The following CORO2B variants were observed in gnomAD, a reference collection of about 807,000 sequenced individuals.
The protein encoded by CORO2B is coronin 2B.
Under a neutral mutation model 58.8 loss-of-function variants are expected in CORO2B, and 26 were observed. The observed-to-expected ratio is 0.44, with a 90% CI of 0.32 to 0.61. CORO2B has a LOEUF of 0.61. Ranked by LOEUF, CORO2B falls within the 20% of genes least tolerant of loss-of-function variation. The probability of loss-of-function intolerance (pLI) is 0.04; values close to 1 mark genes in which losing one functional copy is unlikely to be tolerated. For missense variants in CORO2B, 460 were observed against 645.1 expected (o/e 0.71, Z 3.11); for synonymous variants, 242 against 253.8 (o/e 0.95, Z 0.44).
chr15:68,663,391 A>G (rs1156754486), intron 2 of CORO2B, among the ~76,000 whole-genome samples: 2 of 152,232 alleles, frequency 1.3e-5, no homozygotes, highest in African/African-American at 4.8e-5. Context: ...TTTCATGTGC[A>G]TGCAGGTACG....
chr15:68,671,158 G>C (rs983672286), intron 2 of CORO2B, among the ~76,000 whole-genome samples: 1 of 152,164 alleles, frequency 6.6e-6, no homozygotes, highest in African/African-American at 2.4e-5. Context: ...CACAGGAAAA[G>C]GAACCACAAC....
In CORO2B at chr15:68,620,788, T is replaced by C. The variant is rs532774793; in HGVS notation, c.16-24372T>C. Among the ~76,000 whole-genome samples the C allele has an allele frequency of 7.2e-4, 110 of 152,310 alleles. 1 individual carries two copies. In the South Asian group the frequency reaches 0.014, roughly 19 times the overall value. On this transcript the variant is annotated intron_variant, in intron 1 of 11. Transcript: ENST00000261861. ...TCACTCAGCCACTCACTCAGCCAGC[T>C]GAGGCAGGACCAGGGCTAGAAGGTT...
At chr15:68,549,431 T>C in the CORO2B span, among the ~76,000 whole-genome samples, 1 of 152,180 alleles carries the variant, frequency 6.6e-6, no homozygotes, top group Admixed American at 6.5e-5. Flanking sequence ...TGGTTGTTTT[T>C]ATGTGTCTGT....
chr15:68,553,849 G>A, the CORO2B span, among the ~76,000 whole-genome samples: 1 of 152,248 alleles, frequency 6.6e-6, no homozygotes, highest in African/African-American at 2.4e-5. Context: ...AGACCGTGCA[G>A]GGCCTTACAA....
intron 2 of CORO2B, among the ~76,000 whole-genome samples, chr15:68,649,239 C>CT (rs1414556545): frequency 6.6e-6 from 1 of 151,952 alleles, no homozygotes. Flanking sequence ...TGATATATAT[C>CT]TTTTTTCAAC....
chr15:68,607,120 G>T (rs1900143444), intron 1 of CORO2B, among the ~76,000 whole-genome samples: 1 of 152,200 alleles, frequency 6.6e-6, no homozygotes, highest in Non-Finnish European at 1.5e-5. Flanking sequence ...GATTTTGTGG[G>T]CCAGGCACAG....
intron 1 of CORO2B, among the ~76,000 whole-genome samples, chr15:68,624,909 C>G (rs888775829): frequency 6.6e-6 from 1 of 152,160 alleles, no homozygotes; most frequent in East Asian, 1.9e-4. Context: ...TCTCGAACTC[C>G]TGACCTCATG....
the CORO2B span, among the ~76,000 whole-genome samples, chr15:68,539,996 T>G: frequency 6.6e-6 from 1 of 152,214 alleles, no homozygotes; most frequent in Non-Finnish European, 1.5e-5. Context: ...ATTTTAACAG[T>G]TTTTGAAGAT....
chr15:68,691,201 C>T (rs1892355543), intron 2 of CORO2B, among the ~76,000 whole-genome samples: 2 of 150,536 alleles, frequency 1.3e-5, no homozygotes, highest in South Asian at 2.1e-4. Context: ...AGGTGGCGGG[C>T]GCCTGTGGTC....
At chr15:68,684,899 T>C (rs1242732729) in intron 2 of CORO2B, among the ~76,000 whole-genome samples, 1 of 152,106 alleles carries the variant, frequency 6.6e-6, no homozygotes, top group Non-Finnish European at 1.5e-5. Context: ...TTATAATGAC[T>C]CTCTCTCTTT....
At chr15:68,655,905 AG>A (rs980515901) in intron 2 of CORO2B, among the ~76,000 whole-genome samples, 33 of 152,138 alleles carry the variant, frequency 2.2e-4, no homozygotes, top group African/African-American at 7.7e-4. Context: ...AAAATGATTT[AG>A]GGTGCAGGAG....
chr15:68,559,207 A>G, the CORO2B span, among the ~76,000 whole-genome samples: 2 of 152,072 alleles, frequency 1.3e-5, no homozygotes, highest in African/African-American at 4.8e-5. The surrounding 1 kb of genome is among the most constrained non-coding windows in gnomAD (Gnocchi z 4.3). Context: ...GCATTTCATT[A>G]AAAATCTGAT....
chr15:68,634,644 G>A (rs1900969459), intron 1 of CORO2B, among the ~76,000 whole-genome samples: 1 of 152,182 alleles, frequency 6.6e-6, no homozygotes, highest in African/African-American at 2.4e-5. Context: ...ACGTGTTAGG[G>A]ATGCAGATTC....
the CORO2B span, among the ~76,000 whole-genome samples, chr15:68,519,404 T>C: frequency 6.6e-6 from 1 of 152,336 alleles, no homozygotes; most frequent in East Asian, 1.9e-4. Context: ...TTATCATAGG[T>C]AATTCTATAC....
chr15:68,719,574 C>T (rs767319471), intron 11 of CORO2B, 22 bp downstream of exon 11: 3 of 1,604,696 alleles, frequency 1.9e-6, no homozygotes, highest in African/African-American at 2.7e-5. Context: ...AAGTTATTAC[C>T]TCCACAGGCC....
the CORO2B span, among the ~76,000 whole-genome samples, chr15:68,549,739 G>A: frequency 6.6e-6 from 1 of 152,150 alleles, no homozygotes; most frequent in Non-Finnish European, 1.5e-5. Flanking sequence ...AGGAGTTCGA[G>A]AGCAGCCTGG....
At chr15:68,695,113 C>T (rs1390891028) in intron 2 of CORO2B, 27 bp from the exon 3 acceptor site, 1 of 792,722 alleles carries the variant, frequency 1.3e-6, no homozygotes, top group Non-Finnish European at 1.8e-6. Flanking sequence ...TAATCTCCTT[C>T]TCTCTCTCTC....
At chr15:68,552,568 G>A in the CORO2B span, among the ~76,000 whole-genome samples, 124 of 152,214 alleles carry the variant, frequency 8.1e-4, 1 homozygote, top group Admixed American at 2.7e-3. Flanking sequence ...CAGAGTGTGT[G>A]CCTACGAGTC....
the CORO2B span, among the ~76,000 whole-genome samples, chr15:68,558,776 G>A: frequency 6.6e-6 from 1 of 152,168 alleles, no homozygotes; most frequent in African/African-American, 2.4e-5. Flanking sequence ...GAGGCTGCAG[G>A]AGAGGTGCAA....
Sources: allele counts gnomAD v4.1 joint callset (sites outside exome capture counted in the v4.1 genomes callset), GRCh38; gene constraint gnomAD v4.1.1; non-coding constraint Gnocchi (gnomAD v3.1); transcripts MANE v1.5; gene names NCBI Gene and HGNC (gene_info 2026-07-23, HGNC 2026-07-21).